DHX9: variants seen among roughly 807,000 people sequenced by gnomAD.
DHX9 encodes ATP-dependent RNA helicase A.
A neutral mutation model predicts 148.7 loss-of-function variants in DHX9; 27 were observed. The ratio of observed to expected loss-of-function variants is 0.18; its 90% CI spans 0.13 to 0.25. DHX9 has a LOEUF of 0.25. DHX9 is among the 10% of genes least tolerant of loss of function. DHX9 has a pLI of 1.00. For synonymous variants in DHX9, 529 were observed against 516.6 expected, an observed-to-expected ratio of 1.02 and a Z score of -0.33; for missense variants, 796 against 1,559.6, an observed-to-expected ratio of 0.51 and a Z score of 8.25.
In DHX9 at chr1:182,876,538, C is replaced by G. The variant is rs1052062196; in HGVS notation, c.2121C>G (p.Thr707=). 2.5e-6 allele frequency: 4 copies of G among 1,609,092 alleles called. No individual in the cohort carries two copies. The highest frequency in any genetic ancestry group is 3.4e-6 in the Non-Finnish European group (4 of 1,177,142). ...KVFDPVPVGV[T]KVILSTNIAE... is the part of the protein sequence containing the mutation. Reference sequence around the variant, plus strand: ...TTGATCCAGTACCAGTTGGAGTAACCAAGGTAAATATTAAACATTAGAGTG... The same window carrying G: ...TTGATCCAGTACCAGTTGGAGTAACGAAGGTAAATATTAAACATTAGAGTG... Residue 707 remains threonine, a synonymous_variant, in exon 18 of 28, where the codon ACC becomes ACG. Coordinates refer to ENST00000367549, the MANE Select transcript of DHX9 (RefSeq NM_001357.5).
intron 26 of DHX9, 51 bp from the exon 27 acceptor site, chr1:182,884,561 CT>C (rs1649233228): frequency 1.3e-5 from 19 of 1,515,404 alleles, no homozygotes; most frequent in Non-Finnish European, 1.6e-5. Context: ...AGATAATGGT[CT>C]TTTTCTACAT....
At position 182,876,084 on chromosome 1, in the gene DHX9, G is replaced by C. The variant is rs1052263810; in HGVS notation, c.1850G>C (p.Gly617Ala). 6.2e-7 allele frequency: 1 copy of C among 1,613,712 alleles called. No homozygotes were observed. The highest frequency in any genetic ancestry group is 1.3e-5 in the African/African-American group (1 of 74,872). ...NCNLICGDEY[G>A]PETRLSMSQL... ...AACTTGATCTGTGGTGATGAATATG[G>C]TCCAGAAACAAGGTTGAGCATGTCT... The change falls in exon 17 of 28, where the codon GGT becomes GCT. Residue 617 changes from glycine to alanine, a missense_variant. Physicochemically the swap from Gly to Ala is moderately conservative, Grantham distance 60 (BLOSUM62 0). This residue lies in a region of DHX9 where 133 missense variants were observed against 223.8 expected (regional missense o/e 0.59). Coordinates refer to ENST00000367549, the MANE Select transcript of DHX9 (RefSeq NM_001357.5).
rs928528984 is a variant in DHX9 at position 182,853,484 on chromosome 1, T to A, written c.477+66T>A. Reference sequence around the variant, plus strand: ...TTGGGACTTAGTTAACAGCAAAGCTTAGGATTAGGATATTCACAAGTTAAT... The same window carrying A: ...TTGGGACTTAGTTAACAGCAAAGCTAAGGATTAGGATATTCACAAGTTAAT... On this transcript the variant is annotated intron_variant, in intron 5 of 27. Coordinates refer to ENST00000367549, the MANE Select transcript of DHX9 (RefSeq NM_001357.5). 1.6e-5 allele frequency: 19 copies of A among 1,180,050 alleles called. No individual in the cohort carries two copies. In the Middle Eastern group the frequency reaches 7.9e-4, roughly 49 times the overall value. 73.1% of individuals were successfully genotyped at this position (1,180,050 alleles called of 1,614,324 possible).
chr1:182,862,858 AGTTACCCAGTACCT>A (rs1469114337), intron 12 of DHX9, among the ~76,000 whole-genome samples: 1 of 152,192 alleles, frequency 6.6e-6, no homozygotes, highest in Non-Finnish European at 1.5e-5. Context: ...AGAAAGTGTT[AGTTACCCAGTACCT>A]GGTACATAGT....
intron 15 of DHX9, among the ~76,000 whole-genome samples, chr1:182,873,217 A>G (rs1221848281): frequency 6.6e-6 from 1 of 152,168 alleles, no homozygotes; most frequent in Non-Finnish European, 1.5e-5. Context: ...CAGCCTCCCA[A>G]AGTGCTGGGA....
chr1:182,859,775 G>A lies in DHX9; in HGVS notation c.1141-218G>A, dbSNP rs529780713. Among the ~76,000 whole-genome samples, 43 of 152,190 alleles carry A rather than the reference G, an allele frequency of 2.8e-4. No individual in the cohort carries two copies. In the East Asian group the frequency reaches 6.8e-3, roughly 24 times the overall value. ...TTACAGGCACACCCCACCACACCTGGCTAATTTTTGTATTTTTAGTAGAGA... is the reference window on the plus strand; with the variant it reads ...TTACAGGCACACCCCACCACACCTGACTAATTTTTGTATTTTTAGTAGAGA... On this transcript the variant is annotated intron_variant, in intron 11 of 27. Transcript: ENST00000367549.
At chr1:182,841,297 AAAAAG>A (rs1206299966) in intron 1 of DHX9, among the ~76,000 whole-genome samples, 1 of 152,162 alleles carries the variant, frequency 6.6e-6, no homozygotes, top group African/African-American at 2.4e-5. Flanking sequence ...TCTCAAAAAA[AAAAAG>A]AGAGAAAAGA....
At chr1:182,859,148 T>C (rs747886156) in intron 11 of DHX9, 31 bp downstream of exon 11, 1 of 1,587,656 alleles carries the variant, frequency 6.3e-7, no homozygotes, top group South Asian at 1.1e-5. Flanking sequence ...CAAGTAGTGC[T>C]CAGAGCTTCA....
At chr1:182,882,401 C>T (rs1649124386) in intron 24 of DHX9, among the ~76,000 whole-genome samples, 1 of 152,178 alleles carries the variant, frequency 6.6e-6, no homozygotes, top group African/African-American at 2.4e-5. Flanking sequence ...GCTAAGTACT[C>T]AAAGTGTAGA....
intron 3 of DHX9, among the ~76,000 whole-genome samples, chr1:182,850,361 G>A (rs946897625): frequency 3.9e-5 from 6 of 152,022 alleles, no homozygotes; most frequent in East Asian, 3.9e-4. Context: ...TCGGGAGATA[G>A]AGGCAGGAGG....
chr1:182,873,699 T>C (rs74129613), intron 15 of DHX9, among the ~76,000 whole-genome samples: 14,580 of 152,224 alleles, frequency 0.096, 1,042 homozygotes, highest in African/African-American at 0.19. Flanking sequence ...AGTATACATA[T>C]TTTTTTCTAG....
At position 182,887,630 on chromosome 1, in the gene DHX9, G is replaced by A. The variant is rs1649396302; in HGVS notation, c.*196G>A. On this transcript the variant is annotated 3_prime_UTR_variant, in exon 28 of 28. Coordinates refer to ENST00000367549, the MANE Select transcript of DHX9 (RefSeq NM_001357.5). ...TTGTTTATATTATGTAAAATATAACGATCTCTTAAAAATACCACAGTTTGT... is the reference window on the plus strand; with the variant it reads ...TTGTTTATATTATGTAAAATATAACAATCTCTTAAAAATACCACAGTTTGT... The A allele has an allele frequency of 1.7e-5, 9 of 536,096 alleles. No homozygotes were observed. Among genetic ancestry groups the A allele is most frequent in the South Asian group, 1.2e-4 (4 of 34,472 alleles). 33.2% of individuals were successfully genotyped at this position (536,096 alleles called of 1,614,324 possible).
intron 27 of DHX9, among the ~76,000 whole-genome samples, chr1:182,885,120 GC>G (rs1649265800): frequency 2.0e-5 from 3 of 152,124 alleles, no homozygotes; most frequent in Non-Finnish European, 4.4e-5. Flanking sequence ...AGCCCAGATA[GC>G]CCTTTTTCCA....
chr1:182,858,635 C>T lies in DHX9; in HGVS notation c.895C>T (p.Pro299Ser). 6.2e-7 allele frequency: 1 copy of T among 1,607,858 alleles called. No homozygotes were observed. Among genetic ancestry groups the T allele is most frequent in the Non-Finnish European group, 8.5e-7 (1 of 1,175,320 alleles). The change falls in exon 9 of 28, where the codon CCC (proline) becomes TCC (serine). Residue 299 changes from proline to serine, a missense_variant. Around this residue, in one of 14 missense-constraint regions of DHX9, gnomAD observed 63 missense variants for 78.6 expected, o/e 0.80. Coordinates refer to ENST00000367549, the MANE Select transcript of DHX9 (RefSeq NM_001357.5). ...TCAAGAGCTAAATCTTGAGATTTTG[C>T]CCCCGGTAAGCATAAAGCTGTTTAG... ...IIQELNLEIL[P>S]PPEDPSVPVA...
rs758810492 is a variant in DHX9 at position 182,852,374 on chromosome 1, G to C, written c.364+30G>C. Reference sequence around the variant, plus strand: ...GGGACTTGAATCCATGCACGTGGTGGAGAATAAGATATACACAATCTTGAT... The same window carrying C: ...GGGACTTGAATCCATGCACGTGGTGCAGAATAAGATATACACAATCTTGAT... On this transcript the variant is annotated intron_variant, in intron 4 of 27. Coordinates refer to ENST00000367549, the MANE Select transcript of DHX9 (RefSeq NM_001357.5). The C allele has an allele frequency of 4.7e-6, 7 of 1,474,282 alleles. No homozygotes were observed. In the African/African-American group the frequency reaches 9.8e-5, roughly 21 times the overall value. The allele number at this position is 1,474,282 out of a possible 1,614,324, so 91.3% of individuals were successfully genotyped here.
intron 3 of DHX9, among the ~76,000 whole-genome samples, chr1:182,847,880 C>T (rs1333996205): frequency 6.6e-6 from 1 of 151,990 alleles, no homozygotes; most frequent in Non-Finnish European, 1.5e-5. Context: ...TGTATTTTTT[C>T]CCCCTAAAGT....
At chr1:182,884,483 T>G (rs1477811357) in intron 26 of DHX9, 130 bp from the exon 27 acceptor site, 5 of 592,916 alleles carry the variant, frequency 8.4e-6, no homozygotes, top group East Asian at 3.5e-5. Context: ...TTATAAGTAG[T>G]TTTTTTTTTT....
chr1:182,844,850 A>G (rs1345747532), intron 3 of DHX9, among the ~76,000 whole-genome samples: 1 of 151,500 alleles, frequency 6.6e-6, no homozygotes, highest in Non-Finnish European at 1.5e-5. Flanking sequence ...TTTAGTAGAG[A>G]CAGATTTTCA....
chr1:182,853,989 A>C (rs764739568), intron 5 of DHX9, 41 bp from the exon 6 acceptor site: 35 of 1,597,856 alleles, frequency 2.2e-5, no homozygotes, highest in Non-Finnish European at 2.5e-5. Context: ...TTGTATACCT[A>C]AACTTAACAC....
Sources: gnomAD v4.1 joint callset for allele counts (sites outside exome capture counted in the v4.1 genomes callset) on GRCh38, gnomAD v4.1.1 for gene constraint, gnomAD v4.1.1 regional missense constraint, MANE v1.5 for transcripts, NCBI Gene and HGNC (gene_info 2026-07-23, HGNC 2026-07-21) for gene names.